Variants in PLEKHA5 observed in about 807,000 individuals in gnomAD.
PLEKHA5 encodes pleckstrin homology domain-containing family A member 5.
Under a neutral mutation model 181.9 loss-of-function variants are expected in PLEKHA5, and 55 were observed. The observed-to-expected ratio is 0.30, with a 90% CI of 0.24 to 0.38. The LOEUF is 0.38. Among genes scored for constraint, PLEKHA5 ranks in the 10% least tolerant of loss-of-function variants. PLEKHA5 has a pLI of 1.00. For synonymous variants in PLEKHA5, 535 were observed against 529.4 expected, an observed-to-expected ratio of 1.01 and a Z score of -0.15; for missense variants, 1,432 against 1,549.5, an observed-to-expected ratio of 0.92 and a Z score of 1.27.
At chr12:19,204,936 TTTACATTTTGGGA>T (rs1366740155) in intron 3 of PLEKHA5, among the ~76,000 whole-genome samples, 5 of 152,132 alleles carry the variant, frequency 3.3e-5, no homozygotes, top group South Asian at 2.1e-4. Context: ...ACTGGTCCCA[TTTACATTTTGGGA>T]TCACATCTTG....
chr12:19,298,966 G>C (rs562723481), intron 15 of PLEKHA5, among the ~76,000 whole-genome samples: 20 of 152,272 alleles, frequency 1.3e-4, no homozygotes, highest in Non-Finnish European at 2.6e-4. Context: ...GCTATGGCTG[G>C]GACAGCCTGA....
chr12:19,353,508 C>T (rs760681998), intron 25 of PLEKHA5, among the ~76,000 whole-genome samples: 2 of 150,440 alleles, frequency 1.3e-5, no homozygotes, highest in Non-Finnish European at 2.9e-5. Context: ...GTTGCCCACG[C>T]TGGTGCAATG....
At chr12:19,186,917 C>T (rs2049999690) in intron 3 of PLEKHA5, among the ~76,000 whole-genome samples, 1 of 152,082 alleles carries the variant, frequency 6.6e-6, no homozygotes, top group Non-Finnish European at 1.5e-5. Flanking sequence ...TGTTTCTGCC[C>T]TCTGGTGGTT....
chr12:19,182,486 C>G (rs2048846011), intron 3 of PLEKHA5, among the ~76,000 whole-genome samples: 2 of 152,144 alleles, frequency 1.3e-5, no homozygotes, highest in African/African-American at 4.8e-5. Context: ...AGGAAAATGT[C>G]CATGTTATTT....
At chr12:19,248,207 A>G (rs1259522973) in intron 3 of PLEKHA5, among the ~76,000 whole-genome samples, 18 of 152,070 alleles carry the variant, frequency 1.2e-4, no homozygotes, top group Admixed American at 1.2e-3. Context: ...TGAGGGATAG[A>G]GTGTTTAATC....
In PLEKHA5 at chr12:19,336,676, C is replaced by T. The variant is rs548253004; in HGVS notation, c.2550+60C>T. The stretch of plus-strand genomic sequence containing the variant: ...CTGTTTTTACTGGTACTGTACAATC[C>T]ACCTTGTTAGATTTACGCATACCCA... On this transcript the variant is annotated intron_variant, in intron 21 of 31. Transcript: ENST00000429027. The T allele has an allele frequency of 1.1e-5, 10 of 920,476 alleles. No homozygotes were observed. The South Asian group carries it at 1.3e-4, about 12-fold the overall frequency. The allele number at this position is 920,476 out of a possible 1,614,324, so 57.0% of individuals were successfully genotyped here. A position where few individuals can be genotyped will look rare whatever the true frequency, so the allele number is the denominator to read the frequency against.
At position 19,347,034 on chromosome 12, in the gene PLEKHA5, CCTATGA is replaced by C. The variant is rs768597550; in HGVS notation, c.2753_2758del (p.Tyr918_Asp919del). 1 of 1,551,382 alleles carries C rather than the reference CCTATGA, an allele frequency of 6.4e-7. No homozygotes were observed. The highest frequency in any genetic ancestry group is 1.2e-5 in the South Asian group (1 of 83,950). Reference sequence around the variant, plus strand: ...CCACCTCGTCCTCCACTTCCTCGGTCCTATGACTTTACAGAGCAGCCTCCCATAATC... The same window carrying C: ...CCACCTCGTCCTCCACTTCCTCGGTCCTTTACAGAGCAGCCTCCCATAATC... On this transcript the variant is annotated inframe_deletion, in exon 24 of 32. Coordinates refer to ENST00000429027, the MANE Select transcript of PLEKHA5 (RefSeq NM_001256470.2).
intron 15 of PLEKHA5, among the ~76,000 whole-genome samples, chr12:19,298,578 A>T (rs974320264): frequency 2.6e-5 from 4 of 151,764 alleles, no homozygotes; most frequent in African/African-American, 9.7e-5. Context: ...CATGTTGGCC[A>T]GGCTGGTCTC....
At chr12:19,294,548 C>G (rs2079273675) in intron 15 of PLEKHA5, among the ~76,000 whole-genome samples, 1 of 152,104 alleles carries the variant, frequency 6.6e-6, no homozygotes, top group Non-Finnish European at 1.5e-5. Flanking sequence ...CTCTGCCTCC[C>G]CTAATAAATC....
At chr12:19,144,502 A>G (rs1046612713) in intron 3 of PLEKHA5, among the ~76,000 whole-genome samples, 10 of 152,158 alleles carry the variant, frequency 6.6e-5, no homozygotes, top group African/African-American at 2.4e-4. Context: ...TGCTTATATC[A>G]TGCTTTCCCA....
At chr12:19,275,409 C>A (rs1417517598) in intron 11 of PLEKHA5, among the ~76,000 whole-genome samples, 1 of 152,160 alleles carries the variant, frequency 6.6e-6, no homozygotes, top group Non-Finnish European at 1.5e-5. Flanking sequence ...GCAGCAAAGG[C>A]CTACTGCTCT....
At chr12:19,197,844 A>G (rs2053303135) in intron 3 of PLEKHA5, among the ~76,000 whole-genome samples, 1 of 149,396 alleles carries the variant, frequency 6.7e-6, no homozygotes. Context: ...CTCTTCATAT[A>G]GTGTCTAATA....
chr12:19,183,702 T>A (rs2049141053), intron 3 of PLEKHA5, among the ~76,000 whole-genome samples: 1 of 152,068 alleles, frequency 6.6e-6, no homozygotes, highest in Non-Finnish European at 1.5e-5. Flanking sequence ...AAGGGAAAAT[T>A]TTTTTATTTT....
chr12:19,332,899 G>A (rs1018154877), intron 20 of PLEKHA5, among the ~76,000 whole-genome samples: 18 of 152,092 alleles, frequency 1.2e-4, no homozygotes, highest in Admixed American at 6.5e-4. Flanking sequence ...CAAGCGATCC[G>A]TCCATCTCGG....
intron 3 of PLEKHA5, among the ~76,000 whole-genome samples, chr12:19,160,449 A>G (rs952703647): frequency 6.6e-6 from 1 of 152,144 alleles, no homozygotes; most frequent in Non-Finnish European, 1.5e-5. Context: ...TTTTTTCTGA[A>G]TAGAAAGGAA....
chr12:19,372,512 A>G (rs2095609338), intron 31 of PLEKHA5: 1 of 148,658 alleles, frequency 6.7e-6, no homozygotes, highest in Non-Finnish European at 1.5e-5. Flanking sequence ...TCTGGAATCT[A>G]CTTCCTTTCA....
chr12:19,346,393 A>C (rs1308100977), intron 23 of PLEKHA5, among the ~76,000 whole-genome samples: 1 of 152,000 alleles, frequency 6.6e-6, no homozygotes, highest in African/African-American at 2.4e-5. Context: ...TAATCCCAGC[A>C]CTTTAGGAGG....
intron 15 of PLEKHA5, among the ~76,000 whole-genome samples, chr12:19,310,380 C>G (rs1216779626): frequency 6.6e-6 from 1 of 152,066 alleles, no homozygotes; most frequent in East Asian, 1.9e-4. Flanking sequence ...GAGGCCGAGG[C>G]AGGTGAATCA....
intron 3 of PLEKHA5, among the ~76,000 whole-genome samples, chr12:19,138,521 C>T (rs1352346443): frequency 4.7e-5 from 7 of 149,922 alleles, no homozygotes; most frequent in Non-Finnish European, 7.4e-5. Context: ...TGCAGTGGGC[C>T]GAGATCACGC....
Sources: allele counts gnomAD v4.1 joint callset (sites outside exome capture counted in the v4.1 genomes callset), GRCh38; gene constraint gnomAD v4.1.1; transcripts MANE v1.5; gene names NCBI Gene and HGNC (gene_info 2026-07-23, HGNC 2026-07-21).